AGBL4: variants seen among roughly 807,000 people sequenced by gnomAD.
AGBL4 encodes the protein cytosolic carboxypeptidase 6.
AGBL4 carries 58 observed loss-of-function variants against 66.4 expected under a neutral mutation model. The observed-to-expected ratio is 0.87, with a 90% CI of 0.71 to 1.09. The LOEUF (loss-of-function observed/expected upper bound fraction) is 1.09, where lower values mean the gene tolerates loss of function less well. Among genes scored for constraint, AGBL4 ranks in the 50% least tolerant of loss-of-function variants. AGBL4 has a pLI of 0.00. For synonymous variants in AGBL4, 234 were observed against 222.9 expected, an observed-to-expected ratio of 1.05 and a Z score of -0.44; for missense variants, 579 against 631.0, an observed-to-expected ratio of 0.92 and a Z score of 0.88.
intron 4 of AGBL4, among the ~76,000 whole-genome samples, chr1:49,162,641 C>T (rs1349307629): frequency 6.6e-6 from 1 of 152,190 alleles, no homozygotes; most frequent in Non-Finnish European, 1.5e-5. Context: ...ATCCTTTCTA[C>T]TTTGTGTAGC....
chr1:49,060,074 T>A (rs1197992530), intron 4 of AGBL4, among the ~76,000 whole-genome samples: 1 of 152,134 alleles, frequency 6.6e-6, no homozygotes, highest in Admixed American at 6.6e-5. Context: ...GAATTTGAGA[T>A]TTGGGAGAGG....
chr1:48,525,779 C>G, the AGBL4 span, among the ~76,000 whole-genome samples: 12 of 152,128 alleles, frequency 7.9e-5, no homozygotes, highest in African/African-American at 2.4e-4. Flanking sequence ...TTTGACTTGA[C>G]AATTTGAGTC....
chr1:48,555,174 AG>A (rs1417772682), intron 11 of AGBL4, among the ~76,000 whole-genome samples: 2 of 127,886 alleles, frequency 1.6e-5, no homozygotes, highest in Non-Finnish European at 3.5e-5. Context: ...AGCTGAATTG[AG>A]GGGGTAAGAT....
At chr1:48,748,529 G>C (rs1188152635) in intron 6 of AGBL4, among the ~76,000 whole-genome samples, 1 of 152,170 alleles carries the variant, frequency 6.6e-6, no homozygotes, top group Non-Finnish European at 1.5e-5. Context: ...TGCCTCTGGA[G>C]GAGACTAGGA....
chr1:49,659,574 G>C (rs531765786), intron 3 of AGBL4, among the ~76,000 whole-genome samples: 1 of 152,146 alleles, frequency 6.6e-6, no homozygotes, highest in Middle Eastern at 3.4e-3. Context: ...AATGGTAAAG[G>C]GTTCAATTCA....
At chr1:48,794,379 C>T (rs1645620075) in intron 6 of AGBL4, among the ~76,000 whole-genome samples, 1 of 152,128 alleles carries the variant, frequency 6.6e-6, no homozygotes, top group East Asian at 1.9e-4. Flanking sequence ...CACCTCAAAA[C>T]CCTCACTCAT....
intron 3 of AGBL4, among the ~76,000 whole-genome samples, chr1:49,324,270 C>T (rs1186693690): frequency 6.6e-6 from 1 of 152,204 alleles, no homozygotes; most frequent in African/African-American, 2.4e-5. Context: ...GCTTTAACAA[C>T]AGAAAATTCA....
intron 4 of AGBL4, among the ~76,000 whole-genome samples, chr1:49,072,829 A>C (rs1179232090): frequency 2.0e-5 from 3 of 152,166 alleles, no homozygotes; most frequent in Non-Finnish European, 4.4e-5. Flanking sequence ...TAATATCCAT[A>C]AGAGTGTTTT....
chr1:49,284,499 C>G (rs1644358317), intron 3 of AGBL4, among the ~76,000 whole-genome samples: 1 of 151,858 alleles, frequency 6.6e-6, no homozygotes, highest in African/African-American at 2.4e-5. Flanking sequence ...TTCATAATGA[C>G]AGGATCAAAT....
At chr1:49,540,015 G>C (rs1651887686) in intron 3 of AGBL4, among the ~76,000 whole-genome samples, 1 of 152,096 alleles carries the variant, frequency 6.6e-6, no homozygotes, top group Admixed American at 6.6e-5. Context: ...TTTTGAGTTG[G>C]AACTTTGTTA....
chr1:49,970,766 A>G (rs1401529369), intron 1 of AGBL4, among the ~76,000 whole-genome samples: 1 of 151,778 alleles, frequency 6.6e-6, no homozygotes, highest in Non-Finnish European at 1.5e-5. Context: ...CAAAAAAAAA[A>G]AACAGAACGG....
At chr1:49,403,712 C>A (rs776516624) in intron 3 of AGBL4, among the ~76,000 whole-genome samples, 2 of 152,118 alleles carry the variant, frequency 1.3e-5, no homozygotes, top group Non-Finnish European at 2.9e-5. Flanking sequence ...TCAGTCTGGG[C>A]TTTTTGTATC....
At chr1:49,230,207 C>A (rs887749828) in intron 4 of AGBL4, among the ~76,000 whole-genome samples, 1 of 152,180 alleles carries the variant, frequency 6.6e-6, no homozygotes, top group Non-Finnish European at 1.5e-5. Flanking sequence ...CCAGGCAGAT[C>A]ATTTCTCCTC....
At position 49,646,898 on chromosome 1, in the gene AGBL4, A is replaced by G. The variant is rs530207344; in HGVS notation, c.282+50415T>C. Among the ~76,000 whole-genome samples, 4 of 152,142 alleles carry G rather than the reference A, an allele frequency of 2.6e-5. No individual in the cohort carries two copies. In the East Asian group the frequency reaches 7.7e-4, roughly 29 times the overall value. Reference sequence around the variant, plus strand: ...TGTAAATGGCCTTCAACAAAAGTGCAAAGTCAATTCAATGAAAAAGAATAG... The same window carrying G: ...TGTAAATGGCCTTCAACAAAAGTGCGAAGTCAATTCAATGAAAAAGAATAG... On this transcript the variant is annotated intron_variant, in intron 3 of 13. Transcript: ENST00000371839.
At position 48,713,613 on chromosome 1, in the gene AGBL4, G is replaced by A. The variant is rs549530737; in HGVS notation, c.635-50372C>T. Among the ~76,000 whole-genome samples the A allele has an allele frequency of 6.7e-4, 102 of 152,254 alleles. 1 individual carries two copies. The highest frequency in any genetic ancestry group is 2.4e-3 in the African/African-American group (99 of 41,538). ...GCGTACGGGGCACTCAGCCCTCCCT[G>A]GAACAGTCTGCAGAGCCTGGATCAT... On this transcript the variant is annotated intron_variant, in intron 6 of 13. Coordinates refer to ENST00000371839, the MANE Select transcript of AGBL4 (RefSeq NM_032785.4).
intron 4 of AGBL4, among the ~76,000 whole-genome samples, chr1:49,205,694 T>C (rs996700814): frequency 6.6e-6 from 1 of 152,134 alleles, no homozygotes; most frequent in African/African-American, 2.4e-5. Flanking sequence ...GGGGTGGTAA[T>C]AGGTGACCCT....
chr1:49,006,118 G>A (rs1571211112), intron 5 of AGBL4, among the ~76,000 whole-genome samples: 1 of 152,174 alleles, frequency 6.6e-6, no homozygotes, highest in Non-Finnish European at 1.5e-5. Flanking sequence ...GAGGTACCGG[G>A]TTCATCTCAC....
At chr1:48,943,842 C>T (rs897070846) in intron 5 of AGBL4, among the ~76,000 whole-genome samples, 2 of 151,954 alleles carry the variant, frequency 1.3e-5, no homozygotes, top group Admixed American at 1.3e-4. Context: ...TATGTATACA[C>T]GTGTGCGTGG....
rs760985132 is a variant in AGBL4, at chr1:49,243,034, T to TAC, written c.377+2734_377+2735dup. ...CCCAATTTTTATACATATATATATATACACACACATACATATATATATATA... is the reference window on the plus strand; with the variant it reads ...CCCAATTTTTATACATATATATATATACACACACACATACATATATATATATA... On this transcript the variant is annotated intron_variant, in intron 4 of 13. Coordinates refer to ENST00000371839, the MANE Select transcript of AGBL4 (RefSeq NM_032785.4). 1.0e-4 allele frequency among the ~76,000 whole-genome samples: 15 copies of TAC among 150,180 alleles called. No individual in the cohort carries two copies. The East Asian group carries it at 2.5e-3, about 25-fold the overall frequency.
Sources: allele counts gnomAD v4.1 joint callset (sites outside exome capture counted in the v4.1 genomes callset), GRCh38; gene constraint gnomAD v4.1.1; transcripts MANE v1.5; gene names NCBI Gene and HGNC (gene_info 2026-07-23, HGNC 2026-07-21).